Variants in DOT1L observed in about 807,000 individuals in gnomAD.
DOT1L encodes the protein histone-lysine N-methyltransferase, H3 lysine-79 specific.
Under a neutral mutation model 153.3 loss-of-function variants are expected in DOT1L, and 33 were observed. That is an observed-to-expected ratio of 0.22 (90% CI 0.16 to 0.29). The LOEUF is 0.29. Among genes scored for constraint, DOT1L ranks in the 10% least tolerant of loss-of-function variants. The pLI is 1.00. For synonymous variants in DOT1L, 1,135 were observed against 965.1 expected (o/e 1.18, Z -3.26); for missense variants, 1,847 against 2,119.9 (o/e 0.87, Z 2.53).
chr19:2,206,147 G>A (rs1279483116), intron 9 of DOT1L, among the ~76,000 whole-genome samples: 1 of 151,972 alleles, frequency 6.6e-6, no homozygotes, highest in Non-Finnish European at 1.5e-5. Flanking sequence ...ACAGATGTGC[G>A]CCACCACACC....
At position 2,230,634 on chromosome 19, in the gene DOT1L, T is replaced by A. The variant is rs2024560332; in HGVS notation, c.*842T>A. 2 of 398,626 alleles carry A rather than the reference T, an allele frequency of 5.0e-6. No homozygotes were observed. Among genetic ancestry groups the A allele is most frequent in the African/African-American group, 4.1e-5 (2 of 48,758 alleles). 24.7% of individuals were successfully genotyped at this position (398,626 alleles called of 1,614,324 possible). A position where few individuals can be genotyped will look rare whatever the true frequency, so the allele number is the denominator to read the frequency against. ...GTTTCTGTACAGGAGAGAGTCACAC[T>A]AATGAGTGGCAGTATTTTATAGAGA... On this transcript the variant is annotated 3_prime_UTR_variant, in exon 28 of 28. Coordinates refer to ENST00000398665, the MANE Select transcript of DOT1L (RefSeq NM_032482.3).
chr19:2,210,865 C>T lies in DOT1L; in HGVS notation c.1351+10C>T, dbSNP rs925277580. 9.9e-6 allele frequency: 16 copies of T among 1,610,958 alleles called. No individual in the cohort carries two copies. Among genetic ancestry groups the T allele is most frequent in the Non-Finnish European group, 1.4e-5 (16 of 1,179,122 alleles). Reference sequence around the variant, plus strand: ...GCCTCCTCACCCCAGGGTGAGCCGCCCCCACGCCACGGCCCCCGCTCTCCC... The same window carrying T: ...GCCTCCTCACCCCAGGGTGAGCCGCTCCCACGCCACGGCCCCCGCTCTCCC... On this transcript the variant is annotated intron_variant, in intron 14 of 27. Coordinates refer to ENST00000398665, the MANE Select transcript of DOT1L (RefSeq NM_032482.3).
intron 18 of DOT1L, 40 bp from the exon 19 acceptor site, chr19:2,214,431 C>T (rs2144855036): frequency 6.2e-7 from 1 of 1,603,168 alleles, no homozygotes; most frequent in South Asian, 1.1e-5. Flanking sequence ...GCTGGGCAGG[C>T]AGCCAGCCAG....
intron 2 of DOT1L, among the ~76,000 whole-genome samples, chr19:2,183,541 C>A (rs1157465625): frequency 1.3e-5 from 2 of 151,922 alleles, no homozygotes; most frequent in Non-Finnish European, 2.9e-5. Flanking sequence ...GCTAGCTGGG[C>A]TTTTTCTAGA....
chr19:2,225,692 G>A (rs1179137751), intron 26 of DOT1L, among the ~76,000 whole-genome samples: 1 of 152,180 alleles, frequency 6.6e-6, no homozygotes, highest in Non-Finnish European at 1.5e-5. Flanking sequence ...GGGCCTCCGC[G>A]CACACGCCAT....
Position 2,226,282 on chromosome 19 carries a change from C to G in DOT1L, c.3761C>G (p.Ala1254Gly), listed in dbSNP as rs1420787211. Reference sequence around the variant, plus strand: ...TCGCCCATCTCCGACATCGGCCTGGCCAAGTCGGCGGACAGCCCGCTGCAG... The same window carrying G: ...TCGCCCATCTCCGACATCGGCCTGGGCAAGTCGGCGGACAGCCCGCTGCAG... ...TFSPISDIGL[A>G]KSADSPLQAS... is the part of the protein sequence containing the mutation. Residue 1254 changes from alanine to glycine, a missense_variant, in exon 27 of 28, where the codon GCC becomes GGC. Coordinates refer to ENST00000398665, the MANE Select transcript of DOT1L (RefSeq NM_032482.3). 4 of 1,598,090 alleles carry G rather than the reference C, an allele frequency of 2.5e-6. No individual in the cohort carries two copies. The highest frequency in any genetic ancestry group is 1.3e-5 in the African/African-American group (1 of 74,504).
intron 1 of DOT1L, among the ~76,000 whole-genome samples, chr19:2,179,287 C>G (rs1191910438): frequency 1.3e-5 from 2 of 152,162 alleles, no homozygotes; most frequent in African/African-American, 4.8e-5. Flanking sequence ...TGTGTTTCGT[C>G]AGGTGGTGTC....
At chr19:2,164,397 C>T (rs996557324) in intron 1 of DOT1L, 132 bp downstream of exon 1, 2 of 532,672 alleles carry the variant, frequency 3.8e-6, no homozygotes, top group South Asian at 9.3e-5. Flanking sequence ...TCCACTGTCG[C>T]TGCTCCACCC....
rs533777268 is a variant in DOT1L, at chr19:2,180,327, A to T, written c.82-386A>T. On this transcript the variant is annotated intron_variant, in intron 1 of 27. Coordinates refer to ENST00000398665, the MANE Select transcript of DOT1L (RefSeq NM_032482.3). ...CGGTGGGCCTGCGGAGCGCGGTCTG[A>T]GGGACTTGGGCTGTGTTGAGGGATC... Among the ~76,000 whole-genome samples the T allele has an allele frequency of 1.3e-3, 201 of 152,212 alleles. 1 individual carries two copies. The highest frequency in any genetic ancestry group is 2.1e-3 in the Non-Finnish European group (140 of 68,004).
At position 2,222,392 on chromosome 19, in the gene DOT1L, T is replaced by C; in HGVS notation, c.3223T>C (p.Cys1075Arg). 1.9e-6 allele frequency: 3 copies of C among 1,611,074 alleles called. No homozygotes were observed. Among genetic ancestry groups the C allele is most frequent in the Non-Finnish European group, 2.5e-6 (3 of 1,179,146 alleles). ...CCTGACCGCCAGCGCCCGTGGGGACTGTGTGCCGAGCCACGGGCAGGACAG... is the reference window on the plus strand; with the variant it reads ...CCTGACCGCCAGCGCCCGTGGGGACCGTGTGCCGAGCCACGGGCAGGACAG... Reference protein sequence around the residue: ...SPLTASARGDCVPSHGQDSRR... With the variant: ...SPLTASARGDRVPSHGQDSRR... Residue 1075 changes from cysteine to arginine, a missense_variant, in exon 24 of 28, where the codon TGT becomes CGT. This residue lies in a region of DOT1L where 934 missense variants were observed against 825.3 expected (regional missense o/e 1.13). Coordinates refer to ENST00000398665, the MANE Select transcript of DOT1L (RefSeq NM_032482.3). This position sits in a 1 kb window ranked among gnomAD's most constrained non-coding sequence, Gnocchi z 6.5.
At chr19:2,182,656 G>A (rs573906783) in intron 2 of DOT1L, among the ~76,000 whole-genome samples, 2 of 151,558 alleles carry the variant, frequency 1.3e-5, no homozygotes, top group African/African-American at 4.8e-5. Flanking sequence ...AGGGGTGGAA[G>A]CCCCTCTCTG....
intron 3 of DOT1L, among the ~76,000 whole-genome samples, chr19:2,187,810 TA>T: frequency 6.6e-6 from 1 of 151,432 alleles, no homozygotes; most frequent in Admixed American, 6.6e-5. Flanking sequence ...TAGTCCCAGT[TA>T]GTCAGGAGGC....
rs978032835 is a variant in DOT1L, at chr19:2,217,213, C to T, written c.2544+123C>T. 5.2e-6 allele frequency: 7 copies of T among 1,337,968 alleles called. No homozygotes were observed. Among genetic ancestry groups the T allele is most frequent in the Non-Finnish European group, 6.9e-6 (7 of 1,013,932 alleles). 82.9% of individuals were successfully genotyped at this position (1,337,968 alleles called of 1,614,324 possible). A position where few individuals can be genotyped will look rare whatever the true frequency, so the allele number is the denominator to read the frequency against. On this transcript the variant is annotated intron_variant, in intron 21 of 27. Transcript: ENST00000398665. This position sits in a 1 kb window ranked among gnomAD's most constrained non-coding sequence, Gnocchi z 7.3. ...GGCACGGTGAGGTACTGGGGCTGAC[C>T]TGGAGTAGGATGTTGTGGCAGAGTT...
chr19:2,207,665 T>A lies in DOT1L; in HGVS notation c.948T>A (p.Thr316=). Residue 316 remains threonine (T), a synonymous_variant, in exon 11 of 28, where the codon ACT becomes ACA. Transcript: ENST00000398665. The surrounding 1 kb of genome is among the most constrained non-coding windows in gnomAD (Gnocchi z 4.5). The part of the protein sequence containing the change: ...TGKPVSYYLH[T]IDRTILENYF... ...AGCCAGTCTCCTACTACCTGCACACTATCGACCGCACCATAGTGAGTATCT... is the reference window on the plus strand; with the variant it reads ...AGCCAGTCTCCTACTACCTGCACACAATCGACCGCACCATAGTGAGTATCT... 1 of 1,612,342 alleles carries A rather than the reference T, an allele frequency of 6.2e-7. No individual in the cohort carries two copies. The highest frequency in any genetic ancestry group is 8.5e-7 in the Non-Finnish European group (1 of 1,179,606).
intron 12 of DOT1L, among the ~76,000 whole-genome samples, chr19:2,209,575 C>A (rs957143689): frequency 6.6e-6 from 1 of 152,224 alleles, no homozygotes; most frequent in Non-Finnish European, 1.5e-5. Flanking sequence ...AGGGCTGTCC[C>A]CTCCTCTCCC....
chr19:2,165,892 C>T (rs1384824969), intron 1 of DOT1L, among the ~76,000 whole-genome samples: 2 of 151,792 alleles, frequency 1.3e-5, no homozygotes, highest in Non-Finnish European at 2.9e-5. Flanking sequence ...CCTCAGCCTC[C>T]CCAGTAGCTA....
intron 8 of DOT1L, among the ~76,000 whole-genome samples, chr19:2,201,590 C>T (rs879883917): frequency 7.2e-5 from 11 of 152,342 alleles, no homozygotes; most frequent in African/African-American, 1.7e-4. Flanking sequence ...GTGCTGTGCC[C>T]GCCGGCGGGT....
At chr19:2,180,685 G>A in intron 1 of DOT1L, 28 bp from the exon 2 acceptor site, 1 of 1,613,682 alleles carries the variant, frequency 6.2e-7, no homozygotes, top group East Asian at 2.2e-5. Context: ...GGATGGCTCT[G>A]CGTCTCAAAC....
At chr19:2,218,424 C>T (rs771935617) in intron 22 of DOT1L, among the ~76,000 whole-genome samples, 2 of 152,182 alleles carry the variant, frequency 1.3e-5, no homozygotes, top group Non-Finnish European at 2.9e-5. Flanking sequence ...GACGGAGTCT[C>T]ACTCTGTCGC....
Sources: gnomAD v4.1 joint callset for allele counts (sites outside exome capture counted in the v4.1 genomes callset) on GRCh38, gnomAD v4.1.1 for gene constraint, gnomAD v4.1.1 regional missense constraint, Gnocchi (gnomAD v3.1) non-coding constraint, MANE v1.5 for transcripts, NCBI Gene and HGNC (gene_info 2026-07-23, HGNC 2026-07-21) for gene names.